The following HPSE2 variants were observed in gnomAD, a reference collection of about 807,000 sequenced individuals.
HPSE2 encodes the protein heparanase 2 (inactive).
Under a neutral mutation model 60.5 loss-of-function variants are expected in HPSE2, and 38 were observed. The observed-to-expected ratio is 0.63, with a 90% confidence interval of 0.48 to 0.82. HPSE2 has a LOEUF of 0.82. Ranked by LOEUF, HPSE2 falls within the 40% of genes least tolerant of loss-of-function variation. HPSE2 has a pLI of 0.00. For synonymous variants in HPSE2, 295 were observed against 293.2 expected, an observed-to-expected ratio of 1.01 and a Z score of -0.06; for missense variants, 713 against 740.4, an observed-to-expected ratio of 0.96 and a Z score of 0.43.
At chr10:98,659,925 C>T (rs1268197681) in intron 6 of HPSE2, among the ~76,000 whole-genome samples, 1 of 152,122 alleles carries the variant, frequency 6.6e-6, no homozygotes, top group Non-Finnish European at 1.5e-5. Flanking sequence ...ATTTTTCTCC[C>T]TAGGAGACTT....
At chr10:98,957,596 C>A (rs2135218781) in intron 3 of HPSE2, among the ~76,000 whole-genome samples, 1 of 152,284 alleles carries the variant, frequency 6.6e-6, no homozygotes, top group Middle Eastern at 3.4e-3. Flanking sequence ...TTATCTAAGT[C>A]TTCTTGTTGT....
At chr10:99,011,659 G>A (rs1468265345) in intron 3 of HPSE2, among the ~76,000 whole-genome samples, 1 of 149,936 alleles carries the variant, frequency 6.7e-6, no homozygotes, top group Non-Finnish European at 1.5e-5. Flanking sequence ...GGGAGACTGA[G>A]GCAGGAGAAT....
intron 11 of HPSE2, among the ~76,000 whole-genome samples, chr10:98,475,986 G>A (rs1940996780): frequency 6.6e-6 from 1 of 151,894 alleles, no homozygotes; most frequent in African/African-American, 2.4e-5. Context: ...TATATCCAAA[G>A]GACTATAAAT....
chr10:98,676,182 C>T (rs905891790), intron 6 of HPSE2, among the ~76,000 whole-genome samples: 1 of 152,124 alleles, frequency 6.6e-6, no homozygotes, highest in East Asian at 1.9e-4. Context: ...GCTTGGGAAG[C>T]GTTAATGAGT....
At chr10:99,169,166 C>G (rs1847203068) in intron 2 of HPSE2, among the ~76,000 whole-genome samples, 1 of 136,114 alleles carries the variant, frequency 7.3e-6, no homozygotes, top group African/African-American at 2.8e-5. Flanking sequence ...GCACTCCAGC[C>G]TAGGCGACAG....
chr10:98,869,012 C>G (rs974922030), intron 3 of HPSE2, among the ~76,000 whole-genome samples: 7 of 151,586 alleles, frequency 4.6e-5, no homozygotes, highest in Admixed American at 1.3e-4. Context: ...GTGCATGTCT[C>G]TGTGTGTGTG....
At chr10:99,002,530 C>T (rs967313496) in intron 3 of HPSE2, among the ~76,000 whole-genome samples, 1 of 151,982 alleles carries the variant, frequency 6.6e-6, no homozygotes, top group Non-Finnish European at 1.5e-5. Context: ...AATAGCAGAC[C>T]AATCTCATAC....
At chr10:98,895,029 C>T (rs1222883431) in intron 3 of HPSE2, among the ~76,000 whole-genome samples, 1 of 151,548 alleles carries the variant, frequency 6.6e-6, no homozygotes, top group Non-Finnish European at 1.5e-5. Context: ...TGTATACAAA[C>T]CAAAACGATT....
intron 3 of HPSE2, among the ~76,000 whole-genome samples, chr10:98,959,019 A>G (rs1160188219): frequency 2.0e-5 from 3 of 152,134 alleles, no homozygotes; most frequent in Non-Finnish European, 4.4e-5. Context: ...TGATGTTAAG[A>G]GCAGAGATAA....
At chr10:98,998,648 G>A (rs182626746) in intron 3 of HPSE2, among the ~76,000 whole-genome samples, 2 of 152,260 alleles carry the variant, frequency 1.3e-5, no homozygotes, top group Non-Finnish European at 2.9e-5. Context: ...CAGTCCTCCA[G>A]CAACTCCTCC....
intron 5 of HPSE2, 27 bp downstream of exon 5, chr10:98,721,630 T>G: frequency 6.2e-7 from 1 of 1,603,552 alleles, no homozygotes; most frequent in Non-Finnish European, 8.5e-7. Flanking sequence ...AACAATGTCA[T>G]AAGAAAAGCT....
chr10:99,164,339 T>C (rs981773716), intron 2 of HPSE2, among the ~76,000 whole-genome samples: 1 of 146,608 alleles, frequency 6.8e-6, no homozygotes, highest in Middle Eastern at 3.2e-3. Context: ...GGACAAACTG[T>C]TCCAGCTTTG....
chr10:98,921,693 G>A (rs1954286484), intron 3 of HPSE2, among the ~76,000 whole-genome samples: 1 of 152,162 alleles, frequency 6.6e-6, no homozygotes, highest in African/African-American at 2.4e-5. Flanking sequence ...TCACTTATCA[G>A]CAGACCTTCT....
At chr10:98,899,640 A>G (rs1953603715) in intron 3 of HPSE2, among the ~76,000 whole-genome samples, 1 of 152,180 alleles carries the variant, frequency 6.6e-6, no homozygotes, top group South Asian at 2.1e-4. Context: ...TAAAATGGCT[A>G]AAAATAAAAG....
At position 98,833,670 on chromosome 10, in the gene HPSE2, T is replaced by C. The variant is rs538790539; in HGVS notation, c.611-89614A>G. On this transcript the variant is annotated intron_variant, in intron 3 of 11. Transcript: ENST00000370552. Reference sequence around the variant, plus strand: ...AAGTTACTTAATGTTGTAGAGACACTGCTATGTTCGTCACATCACCTTTTT... The same window carrying C: ...AAGTTACTTAATGTTGTAGAGACACCGCTATGTTCGTCACATCACCTTTTT... 5.3e-5 allele frequency among the ~76,000 whole-genome samples: 8 copies of C among 152,334 alleles called. No homozygotes were observed. In the South Asian group the frequency reaches 1.2e-3, roughly 24 times the overall value.
In HPSE2 at chr10:98,600,926, T is replaced by TATATATATAAA. The variant is rs1554950581; in HGVS notation, c.1320+13977_1320+13978insTTTATATATAT. 3.7e-5 allele frequency among the ~76,000 whole-genome samples: 4 copies of TATATATATAAA among 107,900 alleles called. No individual in the cohort carries two copies. In the East Asian group the frequency reaches 8.6e-4, roughly 23 times the overall value. 70.8% of individuals were successfully genotyped at this position (107,900 alleles called of 152,430 possible). The stretch of plus-strand genomic sequence containing the variant: ...ATGTGTGTGTGTATATATATATATA[T>TATATATATAAA]ATATATATATATATAGAAAGAGAGA... On this transcript the variant is annotated intron_variant, in intron 9 of 11. Coordinates refer to ENST00000370552, the MANE Select transcript of HPSE2 (RefSeq NM_021828.5).
intron 3 of HPSE2, among the ~76,000 whole-genome samples, chr10:99,090,821 A>C (rs892920946): frequency 6.6e-6 from 1 of 152,052 alleles, no homozygotes; most frequent in Non-Finnish European, 1.5e-5. Flanking sequence ...AAAAAAAAGG[A>C]ATTTCCTGCT....
intron 3 of HPSE2, among the ~76,000 whole-genome samples, chr10:99,036,400 A>T (rs558345755): frequency 5.6e-4 from 86 of 152,282 alleles, no homozygotes; most frequent in African/African-American, 1.8e-3. Flanking sequence ...AGACATATCT[A>T]AAAAACACAG....
In HPSE2 at chr10:98,521,664, G is replaced by C. The variant is rs192008261; in HGVS notation, c.1321-31468C>G. Among the ~76,000 whole-genome samples, 188 of 152,264 alleles carry C rather than the reference G, an allele frequency of 1.2e-3. 3 individuals carry two copies. In the East Asian group the frequency reaches 0.023, roughly 19 times the overall value. On this transcript the variant is annotated intron_variant, in intron 9 of 11. Transcript: ENST00000370552. ...TACCCAAAGGATTATAAACCATGCT[G>C]CTATAAAGACACATGCACACATACG...
Sources: allele counts gnomAD v4.1 joint callset (sites outside exome capture counted in the v4.1 genomes callset), GRCh38; gene constraint gnomAD v4.1.1; transcripts MANE v1.5; gene names NCBI Gene and HGNC (gene_info 2026-07-23, HGNC 2026-07-21).